ARHGEF28: variants seen among roughly 807,000 people sequenced by gnomAD.
ARHGEF28 encodes 190 kDa guanine nucleotide exchange factor.
Under a neutral mutation model 206.6 loss-of-function variants are expected in ARHGEF28, and 152 were observed. The ratio of observed to expected loss-of-function variants is 0.74; its 90% confidence interval spans 0.64 to 0.84. The LOEUF is 0.84. Among genes scored for constraint, ARHGEF28 ranks in the 40% least tolerant of loss-of-function variants. ARHGEF28 has a pLI of 0.00. For synonymous variants in ARHGEF28, 763 were observed against 776.4 expected (o/e 0.98, Z 0.29); for missense variants, 2,028 against 2,073.2 (o/e 0.98, Z 0.42).
chr5:73,744,158 T>G (rs538565825), intron 2 of ARHGEF28, among the ~76,000 whole-genome samples: 43 of 152,314 alleles, frequency 2.8e-4, no homozygotes, highest in Non-Finnish European at 5.1e-4. Flanking sequence ...GATATGTCAA[T>G]ATCTGTATTT....
intron 22 of ARHGEF28, among the ~76,000 whole-genome samples, chr5:73,873,598 C>A (rs907047028): frequency 6.6e-6 from 1 of 152,204 alleles, no homozygotes; most frequent in Non-Finnish European, 1.5e-5. Flanking sequence ...TTTAGCATGG[C>A]TTTCCCTGGG....
rs137983167 is a variant in ARHGEF28, at chr5:73,892,197, A to G, written c.3533A>G (p.Asn1178Ser). The G allele has an allele frequency of 6.4e-5, 100 of 1,572,038 alleles. No homozygotes were observed. The African/African-American group carries it at 1.1e-3, about 18-fold the overall frequency. The change falls in exon 27 of 36, where the codon AAC becomes AGC. Residue 1178 changes from asparagine to serine, a missense_variant. This residue lies in a region of ARHGEF28 where 803 missense variants were observed against 768.0 expected (regional missense o/e 1.05). Coordinates refer to ENST00000513042, the MANE Select transcript of ARHGEF28 (RefSeq NM_001177693.2). ...IHTNSKEERN[N>S]WMRRIQQAVE... ...ACCAATTCCAAGGAGGAACGCAATA[A>G]CTGGATGAGACGGATCCAGCAGGCT...
At chr5:73,639,085 T>C (rs1165680329) in intron 1 of ARHGEF28, among the ~76,000 whole-genome samples, 1 of 152,060 alleles carries the variant, frequency 6.6e-6, no homozygotes, top group Non-Finnish European at 1.5e-5. Context: ...CTTTTTCTGG[T>C]AGGAAGATCT....
intron 7 of ARHGEF28, among the ~76,000 whole-genome samples, chr5:73,789,559 T>C (rs1754343342): frequency 6.6e-6 from 1 of 152,152 alleles, no homozygotes; most frequent in Non-Finnish European, 1.5e-5. Flanking sequence ...GTGAATTGTA[T>C]AGTATATGAA....
intron 1 of ARHGEF28, among the ~76,000 whole-genome samples, chr5:73,670,304 A>G (rs1040087353): frequency 6.6e-6 from 1 of 152,176 alleles, no homozygotes; most frequent in African/African-American, 2.4e-5. Context: ...AGTTTCATCC[A>G]TGTTCTCGTA....
At chr5:73,774,452 G>A (rs1384117851) in intron 5 of ARHGEF28, among the ~76,000 whole-genome samples, 2 of 152,094 alleles carry the variant, frequency 1.3e-5, no homozygotes, top group African/African-American at 2.4e-5. Context: ...ATCATTTGAG[G>A]TCTGGGACTA....
rs369784426 is a variant in ARHGEF28 at position 73,767,174 on chromosome 5, A to T, written c.476-6681A>T. On this transcript the variant is annotated intron_variant, in intron 4 of 35. Transcript: ENST00000513042. Reference sequence around the variant, plus strand: ...CATGGAATTGTAAGTCCATTAAACCACTTTCTTTTGTAAATTGCCCAGTCT... The same window carrying T: ...CATGGAATTGTAAGTCCATTAAACCTCTTTCTTTTGTAAATTGCCCAGTCT... 2.1e-3 allele frequency among the ~76,000 whole-genome samples: 322 copies of T among 152,130 alleles called. 1 individual carries two copies. The highest frequency in any genetic ancestry group is 7.3e-3 in the African/African-American group (304 of 41,424).
intron 4 of ARHGEF28, among the ~76,000 whole-genome samples, chr5:73,771,918 C>T (rs1753248292): frequency 6.6e-6 from 1 of 151,936 alleles, no homozygotes; most frequent in Non-Finnish European, 1.5e-5. Context: ...GAGTGTATTG[C>T]CTTGTCTGTT....
chr5:73,886,449 A>T (rs1761303564), intron 25 of ARHGEF28, among the ~76,000 whole-genome samples: 1 of 152,238 alleles, frequency 6.6e-6, no homozygotes, highest in African/African-American at 2.4e-5. Flanking sequence ...CTACACACCT[A>T]GGGTCTGTTG....
chr5:73,901,232 C>G lies in ARHGEF28; in HGVS notation c.4022C>G (p.Pro1341Arg). 6.2e-7 allele frequency: 1 copy of G among 1,613,378 alleles called. No homozygotes were observed. Reference protein sequence around the residue: ...REGRGCSDVDPGIQGVVTDLA... With the variant: ...REGRGCSDVDRGIQGVVTDLA... The stretch of plus-strand genomic sequence containing the variant: ...GGAAGAGGCTGTTCGGATGTGGATC[C>G]CGGGATCCAGGGTGTGGTAACCGAC... The change falls in exon 31 of 36, where the codon CCC becomes CGC. Residue 1341 changes from proline (P) to arginine (R), a missense_variant. By Grantham distance (103) the Pro-to-Arg change is moderately radical. This residue lies in a region of ARHGEF28 where 803 missense variants were observed against 768.0 expected (regional missense o/e 1.05). Transcript: ENST00000513042.
intron 30 of ARHGEF28, chr5:73,899,518 T>G (rs1762145844): frequency 6.6e-6 from 1 of 152,346 alleles, no homozygotes; most frequent in Admixed American, 6.5e-5. Flanking sequence ...GTAGAGGAAG[T>G]ACCGAAGCTG....
At chr5:73,859,671 A>G (rs1216274530) in intron 16 of ARHGEF28, among the ~76,000 whole-genome samples, 1 of 152,136 alleles carries the variant, frequency 6.6e-6, no homozygotes, top group Non-Finnish European at 1.5e-5. Context: ...ACATTTTTAG[A>G]GATTTGCTCC....
At chr5:73,692,924 C>A (rs75921339) in intron 2 of ARHGEF28, among the ~76,000 whole-genome samples, 18,366 of 152,146 alleles carry the variant, frequency 0.12, 2,213 homozygotes, top group African/African-American at 0.31. Context: ...GCCCTCCATC[C>A]CCCAGTGGGC....
At chr5:73,821,943 G>A (rs1429655168) in intron 9 of ARHGEF28, among the ~76,000 whole-genome samples, 1 of 152,114 alleles carries the variant, frequency 6.6e-6, no homozygotes, top group East Asian at 1.9e-4. Flanking sequence ...TGCGGAGTGA[G>A]GACTTGGAAA....
intron 1 of ARHGEF28, among the ~76,000 whole-genome samples, chr5:73,672,069 T>C (rs770981347): frequency 4.6e-5 from 7 of 151,998 alleles, no homozygotes; most frequent in Non-Finnish European, 8.8e-5. Context: ...GTAAAGCACA[T>C]GTAGGAAAAG....
At chr5:73,679,702 AAAAG>A (rs765745574) in intron 1 of ARHGEF28, among the ~76,000 whole-genome samples, 1 of 152,348 alleles carries the variant, frequency 6.6e-6, no homozygotes, top group African/African-American at 2.4e-5. Flanking sequence ...CAAAAAAAGA[AAAAG>A]AAAGTATTAC....
At position 73,802,075 on chromosome 5, in the gene ARHGEF28, A is replaced by G. The variant is rs139188963; in HGVS notation, c.1024+6684A>G. 2.5e-3 allele frequency among the ~76,000 whole-genome samples: 383 copies of G among 152,354 alleles called. 5 individuals carry two copies. The highest frequency in any genetic ancestry group is 8.6e-3 in the African/African-American group (357 of 41,588). Reference sequence around the variant, plus strand: ...TCTCAACTGATTACAAAAGGTATTAATGAAAGTCCATTTGTATTAGGTTCA... The same window carrying G: ...TCTCAACTGATTACAAAAGGTATTAGTGAAAGTCCATTTGTATTAGGTTCA... On this transcript the variant is annotated intron_variant, in intron 9 of 35. Transcript: ENST00000513042.
At chr5:73,715,325 T>C (rs1424251588) in intron 2 of ARHGEF28, among the ~76,000 whole-genome samples, 1 of 152,170 alleles carries the variant, frequency 6.6e-6, no homozygotes, top group Non-Finnish European at 1.5e-5. Flanking sequence ...CTACCATGAA[T>C]AAGCTCTAAG....
chr5:73,913,347 A>ATGTT (rs56787994), intron 35 of ARHGEF28, among the ~76,000 whole-genome samples: 98,186 of 151,720 alleles, frequency 0.65, 33,596 homozygotes, highest in African/African-American at 0.9. Context: ...AACCTTATTT[A>ATGTT]TGTTTACTTC....
Sources: gnomAD v4.1 joint callset for allele counts (sites outside exome capture counted in the v4.1 genomes callset) on GRCh38, gnomAD v4.1.1 for gene constraint, gnomAD v4.1.1 regional missense constraint, MANE v1.5 for transcripts, NCBI Gene and HGNC (gene_info 2026-07-23, HGNC 2026-07-21) for gene names.